Variants in GC observed in about 807,000 individuals in gnomAD.
The protein encoded by GC is GC vitamin D binding protein, also known as vitamin D-binding protein.
GC carries 43 observed loss-of-function variants against 56.7 expected under a neutral mutation model. The observed-to-expected ratio is 0.76, with a 90% CI of 0.59 to 0.98. The LOEUF is 0.98. Among genes scored for constraint, GC ranks in the 50% least tolerant of loss-of-function variants. The probability of loss-of-function intolerance (pLI) is 0.00; values close to 1 mark genes in which losing one functional copy is unlikely to be tolerated. For synonymous variants in GC, 216 were observed against 202.7 expected, an observed-to-expected ratio of 1.07 and a Z score of -0.56; for missense variants, 529 against 545.9, an observed-to-expected ratio of 0.97 and a Z score of 0.31.
At chr4:71,766,135 G>A (rs1742148284) in intron 3 of GC, among the ~76,000 whole-genome samples, 1 of 152,074 alleles carries the variant, frequency 6.6e-6, no homozygotes, top group Admixed American at 6.5e-5. Flanking sequence ...CTTGATTGCT[G>A]GTTCCTTTAA....
intron 1 of GC, among the ~76,000 whole-genome samples, chr4:71,801,628 A>T (rs2149311530): frequency 6.6e-6 from 1 of 152,324 alleles, no homozygotes; most frequent in South Asian, 2.1e-4. Context: ...TTCTTATGGA[A>T]GAAACTCTAG....
intron 6 of GC, among the ~76,000 whole-genome samples, chr4:71,760,378 G>A (rs918703715): frequency 2.0e-5 from 3 of 151,858 alleles, no homozygotes; most frequent in South Asian, 2.1e-4. Context: ...TTCCCATTAC[G>A]GAAGCTTATT....
intron 1 of GC, among the ~76,000 whole-genome samples, chr4:71,797,855 T>C (rs1743146081): frequency 6.6e-6 from 1 of 152,254 alleles, no homozygotes; most frequent in Non-Finnish European, 1.5e-5. Flanking sequence ...TTCATTGAGC[T>C]TCTCATAAGT....
At chr4:71,767,225 T>C (rs1014455598) in intron 3 of GC, among the ~76,000 whole-genome samples, 1 of 152,190 alleles carries the variant, frequency 6.6e-6, no homozygotes, top group African/African-American at 2.4e-5. Flanking sequence ...ATTGTTTCTG[T>C]ATGATATCTG....
intron 1 of GC, among the ~76,000 whole-genome samples, chr4:71,794,583 T>C (rs1743049590): frequency 6.6e-6 from 1 of 152,168 alleles, no homozygotes; most frequent in Non-Finnish European, 1.5e-5. Flanking sequence ...GTCTATCAAT[T>C]TTGTTGATTT....
At chr4:71,744,560 T>C (rs927787280) in intron 12 of GC, among the ~76,000 whole-genome samples, 1 of 151,930 alleles carries the variant, frequency 6.6e-6, no homozygotes, top group Non-Finnish European at 1.5e-5. Context: ...CCTTAGGATA[T>C]CTTCTCCTAT....
At chr4:71,775,601 T>A (rs888364863) in intron 1 of GC, among the ~76,000 whole-genome samples, 1 of 151,814 alleles carries the variant, frequency 6.6e-6, no homozygotes. Flanking sequence ...GGCAATGAGT[T>A]TTTTGGACAT....
exon 1 of GC, chr4:71,804,007 C>T: frequency 2.9e-6 from 3 of 1,021,724 alleles, no homozygotes; most frequent in Non-Finnish European, 4.4e-6. Flanking sequence ...ATATCATTCT[C>T]CTGGTGGAGT....
At chr4:71,795,845 A>G (rs527279846) in intron 1 of GC, among the ~76,000 whole-genome samples, 6 of 152,296 alleles carry the variant, frequency 3.9e-5, no homozygotes, top group African/African-American at 7.2e-5. Context: ...CTTGTAAGGC[A>G]GGTCTGGTGG....
At chr4:71,771,003 C>T (rs574149120) in intron 1 of GC, among the ~76,000 whole-genome samples, 2 of 152,250 alleles carry the variant, frequency 1.3e-5, no homozygotes, top group East Asian at 1.9e-4. Context: ...GTTCTCCTAA[C>T]CTGACTCATC....
chr4:71,789,459 C>T (rs1212101406), intron 1 of GC, among the ~76,000 whole-genome samples: 6 of 151,800 alleles, frequency 4.0e-5, no homozygotes, highest in African/African-American at 1.5e-4. Flanking sequence ...TAAAGCTGAC[C>T]CTTAACTTGG....
At chr4:71,762,811 A>G (rs1021578087) in intron 6 of GC, among the ~76,000 whole-genome samples, 3 of 152,156 alleles carry the variant, frequency 2.0e-5, no homozygotes, top group East Asian at 1.9e-4. Context: ...GCCTTCCACC[A>G]TGATTGTGAG....
At chr4:71,792,662 T>C (rs190315431) in intron 1 of GC, among the ~76,000 whole-genome samples, 1 of 152,340 alleles carries the variant, frequency 6.6e-6, no homozygotes, top group African/African-American at 2.4e-5. Context: ...CTCTTTAATT[T>C]AATTGGATCC....
At position 71,765,482 on chromosome 4, in the gene GC, A is replaced by G. The variant is rs1250768376; in HGVS notation, c.423T>C (p.Asn141=). The G allele has an allele frequency of 1.9e-6, 3 of 1,613,916 alleles. No homozygotes were observed. In the Admixed American group the frequency reaches 5.0e-5, roughly 27 times the overall value. Residue 141 remains asparagine, a synonymous_variant, in exon 4 of 13, where the codon AAT becomes AAC. Transcript: ENST00000273951. ...QEFPTYVEPT[N]DEICEAFRKD... ...TCCTGAACGCCTCACAGATTTCATC[A>G]TTTGTGGGTTCCACGTAGGTAGGGA...
Position 71,765,642 on chromosome 4 carries a change from G to A in GC, c.263C>T (p.Thr88Ile). ...ACAGGACTTGGCAGACAGTGCTGAG[G>A]TCTGGAGGAGAAGGAAAAAGGAAAC... The part of the protein sequence containing the change: ...GADPDCYDTR[T>I]SALSAKSCES... Residue 88 changes from threonine (T) to isoleucine (I), a missense_variant and splice_region_variant, in exon 4 of 13, where the codon ACC becomes ATC. Physicochemically the swap from Thr to Ile is moderately conservative, Grantham distance 89 (BLOSUM62 -1). Transcript: ENST00000273951. 9 of 1,602,414 alleles carry A rather than the reference G, an allele frequency of 5.6e-6. No individual in the cohort carries two copies. The highest frequency in any genetic ancestry group is 7.7e-6 in the Non-Finnish European group (9 of 1,169,690).
upstream of GC, chr4:71,804,052 T>A: frequency 1.3e-6 from 1 of 759,786 alleles, no homozygotes; most frequent in South Asian, 1.5e-5. Context: ...GAAAAGAGCA[T>A]CAACGTTGGT....
intron 1 of GC, among the ~76,000 whole-genome samples, chr4:71,772,004 T>C (rs1742359107): frequency 6.6e-6 from 1 of 152,140 alleles, no homozygotes; most frequent in South Asian, 2.1e-4. Flanking sequence ...ACTGTGTCTA[T>C]TTTATAACTG....
intron 1 of GC, among the ~76,000 whole-genome samples, chr4:71,772,390 G>A (rs950393346): frequency 2.0e-5 from 3 of 152,066 alleles, no homozygotes; most frequent in Non-Finnish European, 4.4e-5. Context: ...TTCAAATGGG[G>A]TACCCCCGAT....
chr4:71,763,528 T>C lies in GC; in HGVS notation c.607-26A>G, dbSNP rs7682235. 3.2e-4 allele frequency: 435 copies of C among 1,345,610 alleles called. 2 individuals are homozygous for C. In the African/African-American group the frequency reaches 5.4e-3, roughly 17 times the overall value. The allele number at this position is 1,345,610 out of a possible 1,614,324, so 83.4% of individuals were successfully genotyped here. On this transcript the variant is annotated intron_variant, in intron 5 of 12. Transcript: ENST00000273951. ...CTAGAAAACAAGTGAAAGAATCTCA[T>C]TATATGGTCAAGACTCATTGAATAC...
Sources: allele counts gnomAD v4.1 joint callset (sites outside exome capture counted in the v4.1 genomes callset), GRCh38; gene constraint gnomAD v4.1.1; transcripts MANE v1.5; gene names NCBI Gene and HGNC (gene_info 2026-07-23, HGNC 2026-07-21).